NUDCD3: variants seen among roughly 807,000 people sequenced by gnomAD.
NUDCD3 encodes nudC domain-containing protein 3.
Under a neutral mutation model 39.7 loss-of-function variants are expected in NUDCD3, and 13 were observed. The ratio of observed to expected loss-of-function variants is 0.33; its 90% CI spans 0.21 to 0.52. The LOEUF (loss-of-function observed/expected upper bound fraction) is 0.52, where lower values mean the gene tolerates loss of function less well. Ranked by LOEUF, NUDCD3 falls within the 20% of genes least tolerant of loss-of-function variation. The pLI, the probability that NUDCD3 is intolerant of heterozygous loss-of-function variation, is 0.96. For synonymous variants in NUDCD3, 175 were observed against 172.4 expected, an observed-to-expected ratio of 1.02 and a Z score of -0.12; for missense variants, 453 against 458.1, an observed-to-expected ratio of 0.99 and a Z score of 0.10.
At chr7:44,443,420 TC>T (rs1485210796) in intron 2 of NUDCD3, among the ~76,000 whole-genome samples, 2 of 152,152 alleles carry the variant, frequency 1.3e-5, no homozygotes, top group African/African-American at 4.8e-5. Context: ...TTTTTTCTTT[TC>T]TTTTTTTGAG....
chr7:44,430,587 C>CAT (rs1799344336), intron 2 of NUDCD3, among the ~76,000 whole-genome samples: 1 of 151,736 alleles, frequency 6.6e-6, no homozygotes, highest in Non-Finnish European at 1.5e-5. Context: ...CACACACACA[C>CAT]ACACACACAC....
chr7:44,468,348 G>GAAAA, intron 2 of NUDCD3: 6 of 305,482 alleles, frequency 2.0e-5, no homozygotes, highest in South Asian at 1.7e-4. Context: ...TGTAAAAACT[G>GAAAA]CAAAAAAAAA....
At position 44,384,162 on chromosome 7, in the gene NUDCD3, C is replaced by T. The variant is rs1798358898; in HGVS notation, c.*1849G>A. 6.6e-6 allele frequency: 1 copy of T among 152,160 alleles called. No homozygotes were observed. The highest frequency in any genetic ancestry group is 1.5e-5 in the Non-Finnish European group (1 of 68,078). The allele number at this position is 152,160 out of a possible 1,614,324, so 9.4% of individuals were successfully genotyped here. A position where few individuals can be genotyped will look rare whatever the true frequency, so the allele number is the denominator to read the frequency against. Reference sequence around the variant, plus strand: ...CACTGCATCACTTCTGGAAGACTACCCACAGGGTGGGGGCTGCAATGGGGG... The same window carrying T: ...CACTGCATCACTTCTGGAAGACTACTCACAGGGTGGGGGCTGCAATGGGGG... On this transcript the variant is annotated 3_prime_UTR_variant, in exon 6 of 6. Coordinates refer to ENST00000355451, the MANE Select transcript of NUDCD3 (RefSeq NM_015332.4).
intron 3 of NUDCD3, among the ~76,000 whole-genome samples, chr7:44,420,062 A>G (rs1191974605): frequency 6.6e-6 from 1 of 152,136 alleles, no homozygotes; most frequent in Non-Finnish European, 1.5e-5. Context: ...GAGCTAAAGG[A>G]GTATGTTCTA....
intron 2 of NUDCD3, among the ~76,000 whole-genome samples, chr7:44,479,169 A>G (rs1800439081): frequency 6.6e-6 from 1 of 152,198 alleles, no homozygotes; most frequent in Non-Finnish European, 1.5e-5. Flanking sequence ...CCCTCCCATG[A>G]CATGTGAGGA....
chr7:44,440,546 A>C (rs977465485), intron 2 of NUDCD3, among the ~76,000 whole-genome samples: 1 of 145,964 alleles, frequency 6.9e-6, no homozygotes, highest in African/African-American at 2.5e-5. Flanking sequence ...AACTTGACAC[A>C]GGATTTTTTT....
intron 3 of NUDCD3, among the ~76,000 whole-genome samples, chr7:44,405,147 T>C (rs760743766): frequency 3.9e-5 from 6 of 152,194 alleles, no homozygotes; most frequent in East Asian, 1.9e-4. Flanking sequence ...TCCTTTGGTT[T>C]TGGAAGGCAG....
At chr7:44,480,052 A>G (rs2116977628) in intron 2 of NUDCD3, among the ~76,000 whole-genome samples, 1 of 152,356 alleles carries the variant, frequency 6.6e-6, no homozygotes, top group East Asian at 1.9e-4. Flanking sequence ...ACAAAGAGCT[A>G]CCAAGTAGAA....
chr7:44,488,099 G>A (rs887672361), intron 1 of NUDCD3, among the ~76,000 whole-genome samples: 25 of 152,104 alleles, frequency 1.6e-4, no homozygotes, highest in African/African-American at 6.0e-4. Flanking sequence ...CACTTTAGGA[G>A]GCCGAGGCAG....
At chr7:44,457,350 C>G (rs907004167) in intron 2 of NUDCD3, among the ~76,000 whole-genome samples, 1 of 152,050 alleles carries the variant, frequency 6.6e-6, no homozygotes, top group Non-Finnish European at 1.5e-5. Flanking sequence ...TAAATAGTAT[C>G]CAGATGAGAA....
At chr7:44,425,040 G>T (rs1489017555) in intron 3 of NUDCD3, among the ~76,000 whole-genome samples, 1 of 152,114 alleles carries the variant, frequency 6.6e-6, no homozygotes, top group Non-Finnish European at 1.5e-5. Flanking sequence ...ATTAACACAG[G>T]AACAGAAAAC....
chr7:44,406,176 G>C (rs191878890), intron 3 of NUDCD3, among the ~76,000 whole-genome samples: 94 of 152,330 alleles, frequency 6.2e-4, no homozygotes, highest in African/African-American at 2.2e-3. Context: ...CTGCCCACTG[G>C]GGGACACAGC....
intron 2 of NUDCD3, among the ~76,000 whole-genome samples, chr7:44,466,207 A>G (rs896545767): frequency 6.6e-6 from 1 of 152,168 alleles, no homozygotes; most frequent in Non-Finnish European, 1.5e-5. Flanking sequence ...GAAAAAGTTG[A>G]AGAATCCTCA....
chr7:44,484,000 T>G (rs950110185), intron 2 of NUDCD3, among the ~76,000 whole-genome samples: 4 of 152,060 alleles, frequency 2.6e-5, no homozygotes, highest in Non-Finnish European at 4.4e-5. Context: ...CAGAGTAAGA[T>G]CCGGTCTCTA....
chr7:44,394,913 G>GT (rs1333607541), intron 4 of NUDCD3, among the ~76,000 whole-genome samples: 1 of 152,216 alleles, frequency 6.6e-6, no homozygotes, highest in East Asian at 1.9e-4. Flanking sequence ...CCTGGGCACA[G>GT]TGGGAGATGG....
At chr7:44,433,625 C>T (rs909772469) in intron 2 of NUDCD3, among the ~76,000 whole-genome samples, 23 of 152,138 alleles carry the variant, frequency 1.5e-4, no homozygotes, top group Non-Finnish European at 2.2e-4. Context: ...GATGTACGTG[C>T]CATGGGTATG....
intron 2 of NUDCD3, chr7:44,484,701 G>A (rs2116983948): frequency 2.6e-6 from 1 of 389,192 alleles, no homozygotes; most frequent in East Asian, 4.5e-5. Flanking sequence ...GTCTTTGTGA[G>A]AGGAGTCAAG....
chr7:44,423,689 A>T (rs1799183104), intron 3 of NUDCD3, among the ~76,000 whole-genome samples: 1 of 152,238 alleles, frequency 6.6e-6, no homozygotes, highest in African/African-American at 2.4e-5. Context: ...GATAGGAAGA[A>T]TCAATATTGT....
chr7:44,436,744 C>T (rs1563176681), intron 2 of NUDCD3, among the ~76,000 whole-genome samples: 1 of 152,108 alleles, frequency 6.6e-6, no homozygotes, highest in Non-Finnish European at 1.5e-5. Flanking sequence ...CAGTTCATGT[C>T]TTTCACTATT....
Sources: gnomAD v4.1 joint callset for allele counts (sites outside exome capture counted in the v4.1 genomes callset) on GRCh38, gnomAD v4.1.1 for gene constraint, MANE v1.5 for transcripts, NCBI Gene and HGNC (gene_info 2026-07-23, HGNC 2026-07-21) for gene names.